ADAMTS3: variants seen among roughly 807,000 people sequenced by gnomAD.
ADAMTS3 encodes A disintegrin and metalloproteinase with thrombospondin motifs 3.
A neutral mutation model predicts 129.0 loss-of-function variants in ADAMTS3; 73 were observed. That is an observed-to-expected ratio of 0.57 (90% CI 0.47 to 0.69). The LOEUF is 0.69. Ranked by LOEUF, ADAMTS3 falls within the 30% of genes least tolerant of loss-of-function variation. The probability of loss-of-function intolerance (pLI) is 0.00; values close to 1 mark genes in which losing one functional copy is unlikely to be tolerated. For synonymous variants in ADAMTS3, 477 were observed against 510.8 expected, an observed-to-expected ratio of 0.93 and a Z score of 0.89; for missense variants, 1,457 against 1,514.5, an observed-to-expected ratio of 0.96 and a Z score of 0.63.
intron 3 of ADAMTS3, among the ~76,000 whole-genome samples, chr4:72,502,761 G>T (rs577685535): frequency 6.6e-6 from 1 of 152,112 alleles, no homozygotes; most frequent in East Asian, 1.9e-4. Flanking sequence ...GGGTACATGT[G>T]CAGAACATGC....
At chr4:72,563,424 T>C (rs985430861) in intron 2 of ADAMTS3, among the ~76,000 whole-genome samples, 2 of 152,106 alleles carry the variant, frequency 1.3e-5, no homozygotes, top group African/African-American at 2.4e-5. Context: ...GCAAATTGGA[T>C]TGACAGATTT....
chr4:72,363,834 G>A (rs1463383504), intron 4 of ADAMTS3, among the ~76,000 whole-genome samples: 7 of 152,034 alleles, frequency 4.6e-5, no homozygotes, highest in South Asian at 2.1e-4. Flanking sequence ...AACCTTAAGC[G>A]TGGGAAAGGT....
chr4:72,319,285 G>A, intron 9 of ADAMTS3, 47 bp downstream of exon 9: 1 of 1,607,586 alleles, frequency 6.2e-7, no homozygotes, highest in Non-Finnish European at 8.5e-7. Context: ...TTTCATGTCT[G>A]TAGGCTATAA....
At chr4:72,347,179 T>C (rs1368303952) in intron 4 of ADAMTS3, among the ~76,000 whole-genome samples, 1 of 151,962 alleles carries the variant, frequency 6.6e-6, no homozygotes, top group East Asian at 1.9e-4. Context: ...ACTCCAATGA[T>C]GAGTATGAGC....
intron 4 of ADAMTS3, among the ~76,000 whole-genome samples, chr4:72,391,195 G>T (rs952115454): frequency 2.6e-5 from 4 of 152,162 alleles, no homozygotes; most frequent in African/African-American, 9.7e-5. Context: ...TTAGAGGGAA[G>T]AAAATCCATC....
chr4:72,418,244 A>G (rs914830282), intron 3 of ADAMTS3, among the ~76,000 whole-genome samples: 5 of 152,108 alleles, frequency 3.3e-5, no homozygotes, highest in Admixed American at 1.3e-4. Context: ...TTCCTAGTCC[A>G]CATCACAATA....
chr4:72,531,819 C>G (rs1721050605), intron 3 of ADAMTS3, among the ~76,000 whole-genome samples: 1 of 152,168 alleles, frequency 6.6e-6, no homozygotes, highest in Non-Finnish European at 1.5e-5. Flanking sequence ...AACCAAGGAT[C>G]AGACACATTA....
intron 2 of ADAMTS3, among the ~76,000 whole-genome samples, chr4:72,565,366 GA>G (rs953316267): frequency 3.3e-5 from 5 of 151,766 alleles, no homozygotes. Context: ...TCAGTTAATA[GA>G]AAAAAAATAA....
intron 3 of ADAMTS3, among the ~76,000 whole-genome samples, chr4:72,508,642 T>C (rs1375887496): frequency 6.6e-6 from 1 of 152,116 alleles, no homozygotes; most frequent in African/African-American, 2.4e-5. Context: ...GAATCAGTCA[T>C]AGCTATTCAT....
In ADAMTS3 at chr4:72,368,787, G is replaced by T. The variant is rs188279531; in HGVS notation, c.662-29094C>A. 2.6e-5 allele frequency among the ~76,000 whole-genome samples: 4 copies of T among 152,268 alleles called. No individual in the cohort carries two copies. The East Asian group carries it at 5.8e-4, about 22-fold the overall frequency. ...ATGAAAATTAGTCACAAGTAATCTA[G>T]ATAGGAGGACCTAGCATTTACACAA... is the stretch of plus-strand genomic sequence containing the variant. On this transcript the variant is annotated intron_variant, in intron 4 of 21. Transcript: ENST00000286657.
At chr4:72,567,508 G>A (rs534308565) in intron 1 of ADAMTS3, 107 bp from the exon 2 acceptor site, 10 of 1,109,272 alleles carry the variant, frequency 9.0e-6, no homozygotes, top group African/African-American at 1.6e-5. Flanking sequence ...AACTAATCAG[G>A]AGATGCTAGA....
intron 4 of ADAMTS3, among the ~76,000 whole-genome samples, chr4:72,402,440 A>T (rs1248237580): frequency 6.6e-6 from 1 of 152,202 alleles, no homozygotes; most frequent in East Asian, 1.9e-4. Flanking sequence ...ATAGGTGTTC[A>T]TCTAAAATTT....
At chr4:72,559,410 T>A (rs1721846537) in intron 2 of ADAMTS3, among the ~76,000 whole-genome samples, 1 of 151,834 alleles carries the variant, frequency 6.6e-6, no homozygotes. Flanking sequence ...CTCTCTCTAC[T>A]GCTATATTAC....
chr4:72,536,154 T>C (rs1310706465), intron 3 of ADAMTS3, among the ~76,000 whole-genome samples: 3 of 152,184 alleles, frequency 2.0e-5, no homozygotes, highest in Non-Finnish European at 4.4e-5. Context: ...TATTATATTT[T>C]TGTCTCAACT....
chr4:72,564,327 G>A (rs1409284589), intron 2 of ADAMTS3, among the ~76,000 whole-genome samples: 1 of 152,128 alleles, frequency 6.6e-6, no homozygotes, highest in East Asian at 1.9e-4. Context: ...TAAGCCACAT[G>A]TGTCATTGAG....
chr4:72,413,222 G>C (rs1489654776), intron 4 of ADAMTS3, among the ~76,000 whole-genome samples: 1 of 151,998 alleles, frequency 6.6e-6, no homozygotes, highest in Non-Finnish European at 1.5e-5. Flanking sequence ...AGATGGACCT[G>C]ATGGGAGGAC....
At chr4:72,520,938 C>T (rs1193367315) in intron 3 of ADAMTS3, among the ~76,000 whole-genome samples, 1 of 152,090 alleles carries the variant, frequency 6.6e-6, no homozygotes, top group African/African-American at 2.4e-5. Context: ...CTGCATCGCT[C>T]ACGCTGGGAG....
At chr4:72,510,039 A>G (rs1445965681) in intron 3 of ADAMTS3, among the ~76,000 whole-genome samples, 3 of 150,810 alleles carry the variant, frequency 2.0e-5, no homozygotes, top group African/African-American at 7.3e-5. Flanking sequence ...TTGATGCTGG[A>G]AAAGCATTTG....
At chr4:72,413,681 T>C (rs898241300) in intron 4 of ADAMTS3, among the ~76,000 whole-genome samples, 2 of 151,952 alleles carry the variant, frequency 1.3e-5, no homozygotes, top group African/African-American at 2.4e-5. Flanking sequence ...ACTTCTTTTT[T>C]CATTAAAAAA....
Sources: allele counts gnomAD v4.1 joint callset (sites outside exome capture counted in the v4.1 genomes callset), GRCh38; gene constraint gnomAD v4.1.1; transcripts MANE v1.5; gene names NCBI Gene and HGNC (gene_info 2026-07-23, HGNC 2026-07-21).